HYOU1: variants seen among roughly 807,000 people sequenced by gnomAD.
HYOU1 encodes hypoxia up-regulated protein 1.
A neutral mutation model predicts 120.5 loss-of-function variants in HYOU1; 40 were observed. The observed-to-expected ratio is 0.33, with a 90% CI of 0.26 to 0.43. The LOEUF is 0.43. Among genes scored for constraint, HYOU1 ranks in the 20% least tolerant of loss-of-function variants. The pLI is 1.00. For synonymous variants in HYOU1, 501 were observed against 479.4 expected, an observed-to-expected ratio of 1.05 and a Z score of -0.59; for missense variants, 1,085 against 1,278.3, an observed-to-expected ratio of 0.85 and a Z score of 2.31.
At position 119,047,822 on chromosome 11, in the gene HYOU1, G is replaced by A. The variant is rs1335267582; in HGVS notation, c.2511-4C>T. ...CTCTGGGATGAGCCGGGCCCCCCTG[G>A]AAGCCAGAAAGGAGACCATTAGCCC... is the stretch of plus-strand genomic sequence containing the variant. On this transcript the variant is annotated splice_polypyrimidine_tract_variant and splice_region_variant and intron_variant, in intron 21 of 25. Transcript: ENST00000617285. The A allele has an allele frequency of 1.2e-6, 2 of 1,613,910 alleles. No homozygotes were observed. Among genetic ancestry groups the A allele is most frequent in the Non-Finnish European group, 1.7e-6 (2 of 1,180,016 alleles).
chr11:119,047,986 G>A lies in HYOU1; in HGVS notation c.2471C>T (p.Ala824Val). The stretch of plus-strand genomic sequence containing the variant: ...GGAATGGTTGAGGAGATTATCGAGG[G>A]CAGACAGCCGTTCGGGCCACTTCTT... ...ERKKWPERLS[A>V]LDNLLNHSSM... Residue 824 changes from alanine (A) to valine (V), a missense_variant, in exon 21 of 26, where the codon GCC (alanine) becomes GTC (valine). Around this residue, in one of 4 missense-constraint regions of HYOU1, gnomAD observed 516 missense variants for 517.1 expected, o/e 1.00. Coordinates refer to ENST00000617285, the MANE Select transcript of HYOU1 (RefSeq NM_006389.5). 1 of 1,614,188 alleles carries A rather than the reference G, an allele frequency of 6.2e-7. No individual in the cohort carries two copies. The highest frequency in any genetic ancestry group is 1.1e-5 in the South Asian group (1 of 91,084).
Position 119,044,782 on chromosome 11 carries a change from G to A in HYOU1, c.*811C>T, listed in dbSNP as rs1943974225. ...CAGGAACCTGGGGTACCAGGCTGCT[G>A]GGAAGATGCAGATTATGACAGAGCT... On this transcript the variant is annotated 3_prime_UTR_variant, in exon 26 of 26. Transcript: ENST00000617285. 4.8e-6 allele frequency: 1 copy of A among 208,060 alleles called. No homozygotes were observed. Among genetic ancestry groups the A allele is most frequent in the Non-Finnish European group, 1.0e-5 (1 of 97,866 alleles). 12.9% of individuals were successfully genotyped at this position (208,060 alleles called of 1,614,324 possible). A position where few individuals can be genotyped will look rare whatever the true frequency, so the allele number is the denominator to read the frequency against.
chr11:119,044,974 T>A lies in HYOU1; in HGVS notation c.*619A>T. ...TTCCGCCAATCCAGAGGTACAGGCT[T>A]TTAGGCAAGGGGCAGAGAACTGCCC... is the stretch of plus-strand genomic sequence containing the variant. On this transcript the variant is annotated 3_prime_UTR_variant, in exon 26 of 26. Transcript: ENST00000617285. The A allele has an allele frequency of 2.6e-6, 1 of 379,170 alleles. No individual in the cohort carries two copies. Among genetic ancestry groups the A allele is most frequent in the Non-Finnish European group, 5.5e-6 (1 of 182,132 alleles). The allele number at this position is 379,170 out of a possible 1,614,324, so 23.5% of individuals were successfully genotyped here.
At position 119,047,773 on chromosome 11, in the gene HYOU1, C is replaced by T. The variant is rs187600980; in HGVS notation, c.2556G>A (p.Val852=). ...IPEMDQIFTE[V]EMTTLEKVIN... ...TGACTTTCTCTAACGTTGTCATCTC[C>T]ACCTCAGTGAAGATCTGGTCCATCT... The change falls in exon 22 of 26, where the codon GTG becomes GTA. Residue 852 remains valine, a synonymous_variant. Transcript: ENST00000617285. 2 of 1,614,022 alleles carry T rather than the reference C, an allele frequency of 1.2e-6. No individual in the cohort carries two copies. The highest frequency in any genetic ancestry group is 2.7e-5 in the African/African-American group (2 of 74,914).
At chr11:119,056,391 G>A (rs1944766030) in intron 1 of HYOU1, 1 of 635,238 alleles carries the variant, frequency 1.6e-6, no homozygotes, top group Non-Finnish European at 2.9e-6. Flanking sequence ...ATGGGTCCTC[G>A]GCTTTGCCAC....
Position 119,048,254 on chromosome 11 carries a change from G to T in HYOU1, c.2370C>A (p.Thr790=). Residue 790 remains threonine (T), a synonymous_variant, in exon 20 of 26, where the codon ACC becomes ACA. Transcript: ENST00000617285. The surrounding 1 kb of genome is among the most constrained non-coding windows in gnomAD (Gnocchi z 4.7). ...GTCCTGAGAGGCCCCTCACCACTGT[G>T]GTGGCTCCAACACCCTCATCCTCCA... ...TWLEDEGVGA[T]TVMLKEKLAE... is the part of the protein sequence containing the mutation. 6.2e-7 allele frequency: 1 copy of T among 1,611,212 alleles called. No individual in the cohort carries two copies. Among genetic ancestry groups the T allele is most frequent in the Non-Finnish European group, 8.5e-7 (1 of 1,179,930 alleles).
At position 119,052,275 on chromosome 11, in the gene HYOU1, G is replaced by A. The variant is rs2133591638; in HGVS notation, c.1122+20C>T. On this transcript the variant is annotated intron_variant, in intron 10 of 25. Coordinates refer to ENST00000617285, the MANE Select transcript of HYOU1 (RefSeq NM_006389.5). The surrounding 1 kb of genome is among the most constrained non-coding windows in gnomAD (Gnocchi z 5.0). ...ATGCCCTTTCCTACGGGGCATTCCCGCCTTCCCCTACTCGCTCACCAGACT... is the reference window on the plus strand; with the variant it reads ...ATGCCCTTTCCTACGGGGCATTCCCACCTTCCCCTACTCGCTCACCAGACT... The A allele has an allele frequency of 1.6e-5, 26 of 1,613,954 alleles. No homozygotes were observed. Among genetic ancestry groups the A allele is most frequent in the Admixed American group, 1.2e-4 (7 of 60,004 alleles).
Position 119,054,201 on chromosome 11 carries a change from G to C in HYOU1, c.714C>G (p.Thr238=). ...TCTGGTAGGTCACAATGGTGCATAC[G>C]GTGCTGCCTGAGCCCATGTCATAGA... ...IMFYDMGSGS[T]VCTIVTYQMV... Residue 238 remains threonine (T), a synonymous_variant, in exon 8 of 26, where the codon ACC becomes ACG. Transcript: ENST00000617285. 2 of 1,613,928 alleles carry C rather than the reference G, an allele frequency of 1.2e-6. No homozygotes were observed. Among genetic ancestry groups the C allele is most frequent in the Non-Finnish European group, 1.7e-6 (2 of 1,179,832 alleles).
In HYOU1 at chr11:119,048,430, C is replaced by A. The variant is rs1243960627; in HGVS notation, c.2253+46G>T. 1.2e-6 allele frequency: 2 copies of A among 1,612,334 alleles called. No homozygotes were observed. The highest frequency in any genetic ancestry group is 1.1e-5 in the South Asian group (1 of 91,038). ...AAGCCCAGAGGCAAGGCCCACAGAG[C>A]CAGGTGTAAGCCCAGTGGGGGGGCT... On this transcript the variant is annotated intron_variant, in intron 19 of 25. Transcript: ENST00000617285. This position sits in a 1 kb window ranked among gnomAD's most constrained non-coding sequence, Gnocchi z 4.7.
chr11:119,048,308 A>C lies in HYOU1; in HGVS notation c.2316T>G (p.Ser772=). The change falls in exon 20 of 26, where the codon TCT becomes TCG. Residue 772 remains serine (S), a synonymous_variant. Transcript: ENST00000617285. This position sits in a 1 kb window ranked among gnomAD's most constrained non-coding sequence, Gnocchi z 4.7. ...AGGTGGATGCGGCGCTGAGCTTCCCAGAGATCTCCTCACGCTGCTCCTCTG... is the reference window on the plus strand; with the variant it reads ...AGGTGGATGCGGCGCTGAGCTTCCCCGAGATCTCCTCACGCTGCTCCTCTG... The part of the protein sequence containing the change: ...VSTEEQREEI[S]GKLSAASTWL... 4.3e-6 allele frequency: 7 copies of C among 1,611,170 alleles called. No homozygotes were observed. The highest frequency in any genetic ancestry group is 5.9e-6 in the Non-Finnish European group (7 of 1,179,922).
intron 24 of HYOU1, among the ~76,000 whole-genome samples, chr11:119,046,175 A>G (rs1470640715): frequency 6.6e-6 from 1 of 151,418 alleles, no homozygotes; most frequent in Non-Finnish European, 1.5e-5. Flanking sequence ...CATGTTGGCC[A>G]GGCTGGTCTC....
rs2133565896 is a variant in HYOU1 at position 119,048,604 on chromosome 11, G to A, written c.2166-41C>T. 6.2e-7 allele frequency: 1 copy of A among 1,611,102 alleles called. No homozygotes were observed. Among genetic ancestry groups the A allele is most frequent in the Non-Finnish European group, 8.5e-7 (1 of 1,177,930 alleles). On this transcript the variant is annotated intron_variant, in intron 18 of 25. Transcript: ENST00000617285. The surrounding 1 kb of genome is among the most constrained non-coding windows in gnomAD (Gnocchi z 4.7). ...GGGGTAGGGATGAGGGAGAGGGCAA[G>A]TGAGAACTTGAGACTCTGGGTCCGA...
chr11:119,055,307 G>A lies in HYOU1; in HGVS notation c.297C>T (p.Tyr99=), dbSNP rs2133611943. Residue 99 remains tyrosine (Y), a synonymous_variant, in exon 5 of 26, where the codon TAC becomes TAT. Coordinates refer to ENST00000617285, the MANE Select transcript of HYOU1 (RefSeq NM_006389.5). The surrounding 1 kb of genome is among the most constrained non-coding windows in gnomAD (Gnocchi z 4.0). ...CCTGCTTCCCCAGGAGGTGCTGGAA[G>A]TAACGTAGCGTAGCCTTTGGATTCT... ...AIKNPKATLR[Y]FQHLLGKQAD... is the part of the protein sequence containing the mutation. The A allele has an allele frequency of 1.4e-5, 22 of 1,613,848 alleles. No homozygotes were observed. Among genetic ancestry groups the A allele is most frequent in the South Asian group, 2.2e-5 (2 of 91,074 alleles).
rs999696091 is a variant in HYOU1, at chr11:119,044,857, C to T, written c.*736G>A. ...AACCACTCTACGTGGCTTTCCTCTT[C>T]GGAGAGGTGGTGGGCTCCCTTCTTC... On this transcript the variant is annotated 3_prime_UTR_variant, in exon 26 of 26. Coordinates refer to ENST00000617285, the MANE Select transcript of HYOU1 (RefSeq NM_006389.5). The T allele has an allele frequency of 1.5e-5, 4 of 273,186 alleles. No individual in the cohort carries two copies. The highest frequency in any genetic ancestry group is 4.4e-5 in the African/African-American group (2 of 45,860). The allele number at this position is 273,186 out of a possible 1,614,324, so 16.9% of individuals were successfully genotyped here. A position where few individuals can be genotyped will look rare whatever the true frequency, so the allele number is the denominator to read the frequency against.
chr11:119,049,877 C>A (rs2133576246), intron 14 of HYOU1, 40 bp from the exon 15 acceptor site: 1 of 1,576,686 alleles, frequency 6.3e-7, no homozygotes, highest in Admixed American at 1.7e-5. Context: ...ACAGGCTAAT[C>A]CACCTTTTCT....
At chr11:119,056,285 C>G (rs1296991465) in intron 1 of HYOU1, 118 bp from the exon 2 acceptor site, 2 of 764,426 alleles carry the variant, frequency 2.6e-6, no homozygotes, top group Non-Finnish European at 4.5e-6. Context: ...TTACCCAGGG[C>G]AGATCAGCCT....
rs1944436202 is a variant in HYOU1, at chr11:119,051,481, T to C, written c.1483A>G (p.Ile495Val). 6.2e-7 allele frequency: 1 copy of C among 1,614,042 alleles called. No individual in the cohort carries two copies. The highest frequency in any genetic ancestry group is 2.2e-5 in the East Asian group (1 of 44,864). ...NRYSHDFNFH[I>V]NYGDLGFLGP... ...AGGAAGCCCAGGTCGCCGTAGTTGA[T>C]GTGGAAGTTGAAATCATGGCTGTAG... Residue 495 changes from isoleucine to valine, a missense_variant, in exon 13 of 26, where the codon ATC (isoleucine) becomes GTC (valine). Ile to Val is a conservative substitution (Grantham distance 29, BLOSUM62 3). Transcript: ENST00000617285. The surrounding 1 kb of genome is among the most constrained non-coding windows in gnomAD (Gnocchi z 4.2).
chr11:119,056,129 C>G lies in HYOU1; in HGVS notation c.32G>C (p.Arg11Thr). The part of the protein sequence containing the change: MADKVRRQRP[R>T]RRVCWALVAV... ...CACCAAGGCCCAACAGACTCGCCTC[C>G]TCGGCCTCTGCCTCCTAACTTTGTC... Residue 11 changes from arginine (R) to threonine (T), a missense_variant, in exon 2 of 26, where the codon AGG becomes ACG. Arg to Thr is a moderately conservative substitution (Grantham distance 71). Around this residue, in one of 4 missense-constraint regions of HYOU1, gnomAD observed 45 missense variants for 49.2 expected, o/e 0.91. Coordinates refer to ENST00000617285, the MANE Select transcript of HYOU1 (RefSeq NM_006389.5). 6.2e-7 allele frequency: 1 copy of G among 1,614,114 alleles called. No individual in the cohort carries two copies. Among genetic ancestry groups the G allele is most frequent in the Non-Finnish European group, 8.5e-7 (1 of 1,180,032 alleles).
In HYOU1 at chr11:119,046,421, C is replaced by G. The variant is rs2133549753; in HGVS notation, c.2883G>C (p.Glu961Asp). The G allele has an allele frequency of 6.2e-7, 1 of 1,614,056 alleles. No individual in the cohort carries two copies. The highest frequency in any genetic ancestry group is 1.3e-5 in the African/African-American group (1 of 74,926). Reference sequence around the variant, plus strand: ...ACCATGGTTGCTCCAACTCACCAGTCTCTACTTTCTCAGGTTCTGAAATGG... The same window carrying G: ...ACCATGGTTGCTCCAACTCACCAGTGTCTACTTTCTCAGGTTCTGAAATGG... ...AEPISEPEKV[E>D]TGSEPGDTEP... Residue 961 changes from glutamate (E) to aspartate (D), a missense_variant, in exon 24 of 26, where the codon GAG (glutamate) becomes GAC (aspartate). Around this residue, in one of 4 missense-constraint regions of HYOU1, gnomAD observed 516 missense variants for 517.1 expected, o/e 1.00. Transcript: ENST00000617285.
Sources: allele counts gnomAD v4.1 joint callset (sites outside exome capture counted in the v4.1 genomes callset), GRCh38; gene constraint gnomAD v4.1.1; regional missense constraint gnomAD v4.1.1; non-coding constraint Gnocchi (gnomAD v3.1); transcripts MANE v1.5; gene names NCBI Gene and HGNC (gene_info 2026-07-23, HGNC 2026-07-21).